RECQL5: variants seen among roughly 807,000 people sequenced by gnomAD.
RECQL5 encodes the protein ATP-dependent DNA helicase Q5.
In RECQL5, 88 loss-of-function variants were observed where a neutral mutation model predicts 103.4. The observed-to-expected ratio is 0.85, with a 90% CI of 0.72 to 1.02. RECQL5 has a LOEUF of 1.02. RECQL5 is among the 50% of genes least tolerant of loss of function. RECQL5 has a pLI of 0.00. For missense variants in RECQL5, 1,232 were observed against 1,284.3 expected, an observed-to-expected ratio of 0.96 and a Z score of 0.62; for synonymous variants, 552 against 507.9, an observed-to-expected ratio of 1.09 and a Z score of -1.17.
In RECQL5 at chr17:75,629,405, A is replaced by G. The variant is rs900284001; in HGVS notation, c.2018T>C (p.Met673Thr). ...TTGCTCCCTGATCCGAGTTGTCTCC[A>G]TCAGTTCCGTGGCCGTCTGGAACGG... ...SCPFQTATEL[M>T]ETTRIREQAP... Residue 673 changes from methionine to threonine, a missense_variant, in exon 16 of 20, where the codon ATG becomes ACG. Met to Thr is a moderately conservative substitution (Grantham distance 81). Coordinates refer to ENST00000317905, the MANE Select transcript of RECQL5 (RefSeq NM_004259.7). The G allele has an allele frequency of 1.3e-6, 2 of 1,507,354 alleles. No homozygotes were observed. The highest frequency in any genetic ancestry group is 1.8e-6 in the Non-Finnish European group (2 of 1,128,986). The allele number at this position is 1,507,354 out of a possible 1,614,324, so 93.4% of individuals were successfully genotyped here. A position where few individuals can be genotyped will look rare whatever the true frequency, so the allele number is the denominator to read the frequency against.
At chr17:75,664,995 C>G (rs1345646448) in intron 3 of RECQL5, 56 bp downstream of exon 3, 1 of 1,487,412 alleles carries the variant, frequency 6.7e-7, no homozygotes, top group Non-Finnish European at 8.9e-7. Flanking sequence ...TTTCCAGCCT[C>G]AAAAAACCTT....
chr17:75,642,599 T>G (rs2059446737), intron 8 of RECQL5, among the ~76,000 whole-genome samples: 1 of 152,160 alleles, frequency 6.6e-6, no homozygotes, highest in South Asian at 2.1e-4. Flanking sequence ...CTCAGCCCCC[T>G]CCAAAGAATA....
At chr17:75,660,828 C>T in intron 6 of RECQL5, 127 bp downstream of exon 6, 2 of 741,916 alleles carry the variant, frequency 2.7e-6, no homozygotes, top group Non-Finnish European at 4.8e-6. Flanking sequence ...TAAGGACTCT[C>T]TCCTGGAGCT....
intron 6 of RECQL5, 28 bp from the exon 7 acceptor site, chr17:75,658,488 T>C: frequency 1.2e-6 from 2 of 1,607,552 alleles, no homozygotes; most frequent in Non-Finnish European, 1.7e-6. Context: ...ACAAGCAGCA[T>C]GAGATGGTGG....
Position 75,627,309 on chromosome 17 carries a change from G to T in RECQL5, c.*113C>A. 1.2e-6 allele frequency: 1 copy of T among 848,364 alleles called. No individual in the cohort carries two copies. The highest frequency in any genetic ancestry group is 1.7e-5 in the African/African-American group (1 of 60,514). The allele number at this position is 848,364 out of a possible 1,614,324, so 52.6% of individuals were successfully genotyped here. On this transcript the variant is annotated 3_prime_UTR_variant, in exon 20 of 20. Coordinates refer to ENST00000317905, the MANE Select transcript of RECQL5 (RefSeq NM_004259.7). Reference sequence around the variant, plus strand: ...GTCATCCCCAAAGCCAAGTATGGTTGGAAAGGAGAAGGACTGAGAAAAGAC... The same window carrying T: ...GTCATCCCCAAAGCCAAGTATGGTTTGAAAGGAGAAGGACTGAGAAAAGAC...
At chr17:75,665,252 G>A in intron 2 of RECQL5, 80 bp from the exon 3 acceptor site, 2 of 1,345,842 alleles carry the variant, frequency 1.5e-6, no homozygotes, top group Non-Finnish European at 2.1e-6. Flanking sequence ...GAGAATGTAG[G>A]AAAAGCACCT....
At chr17:75,634,916 C>T (rs1277286071) in intron 8 of RECQL5, among the ~76,000 whole-genome samples, 2 of 152,212 alleles carry the variant, frequency 1.3e-5, no homozygotes, top group African/African-American at 2.4e-5. Context: ...GCTGTGCCAC[C>T]GTGATGCACA....
intron 17 of RECQL5, 66 bp downstream of exon 17, chr17:75,628,606 C>T (rs1040314176): frequency 3.3e-6 from 5 of 1,520,250 alleles, no homozygotes; most frequent in Non-Finnish European, 4.4e-6. Context: ...TTGAGCAGGG[C>T]ACAACAGCTC....
chr17:75,658,848 G>A (rs531236225), intron 6 of RECQL5, among the ~76,000 whole-genome samples: 16 of 152,120 alleles, frequency 1.1e-4, no homozygotes, highest in Admixed American at 1.3e-4. Flanking sequence ...TACCTCCTAT[G>A]TGCCAGTTTA....
In RECQL5 at chr17:75,640,663, C is replaced by T. The variant is rs1295899861; in HGVS notation, c.1230-8995G>A. ...CCGTCCGCACCTCTCACCAGCCTCT[C>T]GGATCTTTCTGACCTCCACCAAACC... On this transcript the variant is annotated intron_variant, in intron 8 of 19. Transcript: ENST00000317905. This position sits in a 1 kb window ranked among gnomAD's most constrained non-coding sequence, Gnocchi z 4.6. 21 of 1,466,466 alleles carry T rather than the reference C, an allele frequency of 1.4e-5. No individual in the cohort carries two copies. The highest frequency in any genetic ancestry group is 1.3e-4 in the East Asian group (5 of 40,000). The allele number at this position is 1,466,466 out of a possible 1,614,324, so 90.8% of individuals were successfully genotyped here.
chr17:75,652,796 C>A (rs1421848736), intron 7 of RECQL5, among the ~76,000 whole-genome samples: 1 of 152,234 alleles, frequency 6.6e-6, no homozygotes, highest in Non-Finnish European at 1.5e-5. Context: ...CCCCACCCCA[C>A]TTCCCTGGGG....
chr17:75,630,295 C>G lies in RECQL5; in HGVS notation c.1719-18G>C. 2 of 1,542,108 alleles carry G rather than the reference C, an allele frequency of 1.3e-6. No individual in the cohort carries two copies. The highest frequency in any genetic ancestry group is 1.7e-4 in the Middle Eastern group (1 of 5,926). On this transcript the variant is annotated intron_variant, in intron 13 of 19. Transcript: ENST00000317905. ...GGTCAGCTCTGTGGGTGCAAGGTAA[C>G]AGGCACAAGGTATCAGGTGGGCCTG...
In RECQL5 at chr17:75,630,843, G is replaced by GA. The variant is rs1555706003; in HGVS notation, c.1586-7_1586-6insT. 3.1e-6 allele frequency: 4 copies of GA among 1,311,156 alleles called. No individual in the cohort carries two copies. Among genetic ancestry groups the GA allele is most frequent in the South Asian group, 3.0e-5 (2 of 67,766 alleles). The allele number at this position is 1,311,156 out of a possible 1,614,324, so 81.2% of individuals were successfully genotyped here. A position where few individuals can be genotyped will look rare whatever the true frequency, so the allele number is the denominator to read the frequency against. On this transcript the variant is annotated splice_region_variant and splice_polypyrimidine_tract_variant and intron_variant, in intron 11 of 19. Transcript: ENST00000317905. ...TTTCAGGGGACAGTTCTCATCTGTG[G>GA]GGGGGGGGGGTGGTCCTTGGTCCTT...
chr17:75,631,275 C>T, intron 9 of RECQL5, 26 bp from the exon 10 acceptor site: 2 of 1,603,706 alleles, frequency 1.2e-6, no homozygotes, highest in African/African-American at 1.3e-5. Flanking sequence ...GCGTGAGTGG[C>T]CCTGGCCTGG....
chr17:75,640,430 G>C lies in RECQL5; in HGVS notation c.1230-8762C>G. 2.8e-6 allele frequency: 4 copies of C among 1,430,858 alleles called. No individual in the cohort carries two copies. In the South Asian group the frequency reaches 6.0e-5, roughly 21 times the overall value. 88.6% of individuals were successfully genotyped at this position (1,430,858 alleles called of 1,614,324 possible). A position where few individuals can be genotyped will look rare whatever the true frequency, so the allele number is the denominator to read the frequency against. On this transcript the variant is annotated intron_variant, in intron 8 of 19. Transcript: ENST00000317905. This position sits in a 1 kb window ranked among gnomAD's most constrained non-coding sequence, Gnocchi z 4.6. ...CTGGCAGAGGTGGCGGGTGTCTGCC[G>C]GATCAAGGAGGAAAACCAGTTGTCC...
At chr17:75,661,567 T>C (rs993208972) in intron 5 of RECQL5, 39 bp downstream of exon 5, 1 of 1,425,310 alleles carries the variant, frequency 7.0e-7, no homozygotes, top group Non-Finnish European at 9.9e-7. Flanking sequence ...AAGAAGCCTC[T>C]GAGGGTGAAG....
intron 15 of RECQL5, 41 bp downstream of exon 15, chr17:75,629,667 T>A: frequency 6.4e-7 from 1 of 1,569,660 alleles, no homozygotes; most frequent in Non-Finnish European, 8.7e-7. Context: ...AGTGAAGCCT[T>A]TCCTGGTCAC....
intron 6 of RECQL5, among the ~76,000 whole-genome samples, chr17:75,659,319 C>T (rs1324424494): frequency 6.6e-6 from 1 of 152,176 alleles, no homozygotes; most frequent in African/African-American, 2.4e-5. Flanking sequence ...CTCGGCCTCC[C>T]AAAGTGCTAG....
intron 8 of RECQL5, among the ~76,000 whole-genome samples, chr17:75,634,835 A>G (rs2059288530): frequency 6.6e-6 from 1 of 152,126 alleles, no homozygotes; most frequent in Non-Finnish European, 1.5e-5. Flanking sequence ...CTGACTTTCA[A>G]CTCAGGCTCA....
Sources: allele counts gnomAD v4.1 joint callset (sites outside exome capture counted in the v4.1 genomes callset), GRCh38; gene constraint gnomAD v4.1.1; non-coding constraint Gnocchi (gnomAD v3.1); transcripts MANE v1.5; gene names NCBI Gene and HGNC (gene_info 2026-07-23, HGNC 2026-07-21).